The following IFT74 variants were observed in gnomAD, a reference collection of about 807,000 sequenced individuals.
The protein encoded by IFT74 is intraflagellar transport protein 74 homolog.
IFT74 carries 92 observed loss-of-function variants against 96.7 expected under a neutral mutation model. That is an observed-to-expected ratio of 0.95 (90% CI 0.80 to 1.13). The LOEUF (loss-of-function observed/expected upper bound fraction) is 1.13, where lower values mean the gene tolerates loss of function less well. Among genes scored for constraint, IFT74 ranks in the 50% most tolerant of loss-of-function variants. The probability of loss-of-function intolerance (pLI) is 0.00; values close to 1 mark genes in which losing one functional copy is unlikely to be tolerated. For missense variants in IFT74, 811 were observed against 698.2 expected, an observed-to-expected ratio of 1.16 and a Z score of -1.82; for synonymous variants, 223 against 213.2, an observed-to-expected ratio of 1.05 and a Z score of -0.40.
intron 18 of IFT74, among the ~76,000 whole-genome samples, chr9:27,057,327 T>C (rs917349752): frequency 2.0e-5 from 3 of 152,122 alleles, no homozygotes; most frequent in Middle Eastern, 3.2e-3. Flanking sequence ...GAGGTCTAGA[T>C]TGAGAGCTCT....
intron 8 of IFT74, among the ~76,000 whole-genome samples, chr9:26,992,562 A>C (rs1007686912): frequency 2.6e-5 from 4 of 152,004 alleles, no homozygotes; most frequent in Non-Finnish European, 4.4e-5. Flanking sequence ...GTGAGGTGGC[A>C]GGTGCCTGTA....
intron 13 of IFT74, among the ~76,000 whole-genome samples, chr9:27,039,680 A>G (rs1399142677): frequency 6.6e-6 from 1 of 152,192 alleles, no homozygotes; most frequent in Non-Finnish European, 1.5e-5. Flanking sequence ...AACCATTTAC[A>G]ATATATTAGG....
chr9:27,000,849 A>G (rs78855809), intron 8 of IFT74, among the ~76,000 whole-genome samples: 6,118 of 152,278 alleles, frequency 0.04, 206 homozygotes, highest in South Asian at 0.13. Context: ...AGTTGAAGGA[A>G]AAAAATTACT....
chr9:26,958,075 T>G (rs1826201144), intron 1 of IFT74, among the ~76,000 whole-genome samples: 1 of 152,178 alleles, frequency 6.6e-6, no homozygotes, highest in South Asian at 2.1e-4. Flanking sequence ...TTTTAACAAT[T>G]TAGTAAATTT....
intron 3 of IFT74, among the ~76,000 whole-genome samples, chr9:26,978,688 ATAGT>A (rs1344643502): frequency 2.6e-5 from 4 of 152,320 alleles, no homozygotes; most frequent in African/African-American, 9.6e-5. Flanking sequence ...AATAGTTTAG[ATAGT>A]TCCTATATTA....
At chr9:27,010,933 G>A (rs984688469) in intron 9 of IFT74, among the ~76,000 whole-genome samples, 3 of 152,094 alleles carry the variant, frequency 2.0e-5, no homozygotes, top group Non-Finnish European at 2.9e-5. Flanking sequence ...AAAGAATTAG[G>A]CCCCATAAAT....
intron 13 of IFT74, among the ~76,000 whole-genome samples, chr9:27,032,065 G>A (rs970024805): frequency 1.3e-5 from 2 of 152,090 alleles, no homozygotes; most frequent in African/African-American, 4.8e-5. Context: ...ATAAAGAACA[G>A]CATTACTATT....
chr9:27,024,813 A>G (rs1292749587), intron 12 of IFT74, among the ~76,000 whole-genome samples: 2 of 152,066 alleles, frequency 1.3e-5, no homozygotes, highest in East Asian at 3.9e-4. Context: ...AGCATAAATA[A>G]AAAAACAGTC....
intron 12 of IFT74, 149 bp from the exon 13 acceptor site, chr9:27,028,876 T>G (rs1004461247): frequency 4.9e-6 from 3 of 617,050 alleles, no homozygotes; most frequent in African/African-American, 1.9e-5. Context: ...CCTAATGTCA[T>G]CGTCAGTTAT....
chr9:27,009,997 AT>A (rs1433751874), intron 9 of IFT74, among the ~76,000 whole-genome samples: 5 of 148,308 alleles, frequency 3.4e-5, no homozygotes, highest in African/African-American at 7.4e-5. Flanking sequence ...TTTAAAAAAA[AT>A]TTTTTTTTTG....
intron 14 of IFT74, among the ~76,000 whole-genome samples, chr9:27,045,392 A>G (rs931606813): frequency 2.0e-5 from 3 of 152,172 alleles, no homozygotes; most frequent in Admixed American, 6.5e-5. Flanking sequence ...GCTATAGATC[A>G]TTTATTGATT....
chr9:26,999,638 T>C (rs748876831), intron 8 of IFT74: 12 of 1,608,102 alleles, frequency 7.5e-6, no homozygotes, highest in South Asian at 6.7e-5. Context: ...GGATTTTGTC[T>C]GATAATAATA....
At chr9:26,994,724 A>T (rs1174159833) in intron 8 of IFT74, 1 of 152,628 alleles carries the variant, frequency 6.6e-6, no homozygotes, top group Non-Finnish European at 1.5e-5. Context: ...AGATAGAAAT[A>T]GCTGTCCATG....
At chr9:26,961,360 G>T (rs1193960724) in intron 1 of IFT74, among the ~76,000 whole-genome samples, 2 of 151,972 alleles carry the variant, frequency 1.3e-5, no homozygotes, top group Non-Finnish European at 2.9e-5. Context: ...AAAGTGCTGG[G>T]GTTACACGCG....
At position 27,064,793 on chromosome 9, in the gene IFT74, C is replaced by G. The variant is rs1820559069; in HGVS notation, c.*2057C>G. Among the ~76,000 whole-genome samples the G allele has an allele frequency of 1.6e-5, 2 of 123,242 alleles. No individual in the cohort carries two copies. Among genetic ancestry groups the G allele is most frequent in the African/African-American group, 2.7e-5 (1 of 36,760 alleles). The allele number at this position is 123,242 out of a possible 152,430, so 80.9% of individuals were successfully genotyped here. A position where few individuals can be genotyped will look rare whatever the true frequency, so the allele number is the denominator to read the frequency against. On this transcript the variant is annotated 3_prime_UTR_variant, in exon 20 of 20. Coordinates refer to ENST00000380062, the MANE Select transcript of IFT74 (RefSeq NM_025103.4). ...AAGTGTTCTTGACATTTTACTGCAC[C>G]CTTTTAAATAACCAACTTAGTAATT...
chr9:26,997,407 C>T (rs1828221093), intron 8 of IFT74, among the ~76,000 whole-genome samples: 1 of 146,496 alleles, frequency 6.8e-6, no homozygotes, highest in South Asian at 2.2e-4. Flanking sequence ...GATCTCGGCT[C>T]ACTGTAACAT....
intron 13 of IFT74, among the ~76,000 whole-genome samples, chr9:27,039,231 A>G (rs1028859758): frequency 1.3e-4 from 20 of 152,010 alleles, no homozygotes; most frequent in African/African-American, 3.9e-4. Flanking sequence ...AGGATTCACT[A>G]TTTTGCCCAG....
intron 14 of IFT74, among the ~76,000 whole-genome samples, chr9:27,045,470 C>G (rs2131681036): frequency 6.6e-6 from 1 of 152,132 alleles, no homozygotes; most frequent in Middle Eastern, 3.4e-3. Flanking sequence ...TTTAGCTTTC[C>G]ATAATACTTA....
intron 13 of IFT74, among the ~76,000 whole-genome samples, chr9:27,030,901 C>A (rs991085054): frequency 1.3e-5 from 2 of 152,144 alleles, no homozygotes; most frequent in African/African-American, 2.4e-5. Context: ...ACAATAGCAG[C>A]TTATATTTTC....
Sources: gnomAD v4.1 joint callset for allele counts (sites outside exome capture counted in the v4.1 genomes callset) on GRCh38, gnomAD v4.1.1 for gene constraint, MANE v1.5 for transcripts, NCBI Gene and HGNC (gene_info 2026-07-23, HGNC 2026-07-21) for gene names.